ZNF682: variants seen among roughly 807,000 people sequenced by gnomAD.
ZNF682 encodes zinc finger protein 682.
Under a neutral mutation model 36.5 loss-of-function variants are expected in ZNF682, and 29 were observed. The observed-to-expected ratio is 0.80, with a 90% CI of 0.59 to 1.08. The LOEUF is 1.08. Ranked by LOEUF, ZNF682 falls within the 50% of genes least tolerant of loss-of-function variation. The pLI, the probability that ZNF682 is intolerant of heterozygous loss-of-function variation, is 0.00. For synonymous variants in ZNF682, 180 were observed against 197.0 expected (o/e 0.91, Z 0.72); for missense variants, 561 against 579.7 (o/e 0.97, Z 0.33).
At position 20,007,015 on chromosome 19, in the gene ZNF682, C is replaced by T; in HGVS notation, c.487G>A (p.Glu163Lys). The T allele has an allele frequency of 6.2e-7, 1 of 1,613,142 alleles. No homozygotes were observed. The highest frequency in any genetic ancestry group is 8.5e-7 in the Non-Finnish European group (1 of 1,179,478). The change falls in exon 4 of 4, where the codon GAA becomes AAA. Residue 163 changes from glutamate (E) to lysine (K), a missense_variant. Physicochemically the swap from Glu to Lys is moderately conservative, Grantham distance 56. Transcript: ENST00000397165. ...TTCTCTGTAGTATGTCTTATGTTTT[C>T]TCTATTTAGATTTGATGATTTACTA... ...VFSKSSNLNRENIRHTTEKLF... is the reference protein window; with the variant it reads ...VFSKSSNLNRKNIRHTTEKLF...
At chr19:20,001,970 G>C (rs569940874), downstream of ZNF682, among the ~76,000 whole-genome samples, 13 of 152,266 alleles carry the variant, frequency 8.5e-5, no homozygotes, top group African/African-American at 3.1e-4. Context: ...TTTACATCAT[G>C]GGGTCAGTAC....
rs560099633 is a variant in ZNF682 at position 20,018,700 on chromosome 19, G to A, written c.226+4304C>T. Among the ~76,000 whole-genome samples the A allele has an allele frequency of 4.6e-5, 7 of 152,136 alleles. No individual in the cohort carries two copies. The South Asian group carries it at 6.2e-4, about 14-fold the overall frequency. On this transcript the variant is annotated intron_variant, in intron 3 of 3. Coordinates refer to ENST00000397165, the MANE Select transcript of ZNF682 (RefSeq NM_033196.3). ...GAAAAAAATAAAGTTGAGCCCTTCCGTTACATGCACCATATAAAAACAGTA... is the reference window on the plus strand; with the variant it reads ...GAAAAAAATAAAGTTGAGCCCTTCCATTACATGCACCATATAAAAACAGTA...
In ZNF682 at chr19:20,005,745, C is replaced by G. The variant is rs1319962006; in HGVS notation, c.*260G>C. On this transcript the variant is annotated 3_prime_UTR_variant, in exon 4 of 4. Transcript: ENST00000397165. ...ATCATTACACTTACATTGCTTTTAT[C>G]TAGCACAAAACCTCTGATGAGTAAG... 6.6e-6 allele frequency: 3 copies of G among 453,344 alleles called. No homozygotes were observed. Among genetic ancestry groups the G allele is most frequent in the Non-Finnish European group, 1.2e-5 (3 of 256,442 alleles). 28.1% of individuals were successfully genotyped at this position (453,344 alleles called of 1,614,324 possible).
intron 3 of ZNF682, chr19:20,007,482 G>A: frequency 2.0e-6 from 1 of 500,394 alleles, no homozygotes; most frequent in Non-Finnish European, 3.4e-6. Context: ...TTAATTCAGA[G>A]GTAATGCAGA....
intron 3 of ZNF682, among the ~76,000 whole-genome samples, chr19:20,012,048 AAAAC>A (rs1264923429): frequency 6.6e-6 from 1 of 152,136 alleles, no homozygotes; most frequent in African/African-American, 2.4e-5. Flanking sequence ...AAATAAAAAA[AAAAC>A]AGTGACAAAA....
chr19:20,021,762 C>T lies in ZNF682; in HGVS notation c.226+1242G>A, dbSNP rs191256881. Among the ~76,000 whole-genome samples the T allele has an allele frequency of 1.5e-3, 224 of 152,184 alleles. 1 individual carries two copies. The highest frequency in any genetic ancestry group is 5.2e-3 in the African/African-American group (217 of 41,508). On this transcript the variant is annotated intron_variant, in intron 3 of 3. Coordinates refer to ENST00000397165, the MANE Select transcript of ZNF682 (RefSeq NM_033196.3). Reference sequence around the variant, plus strand: ...AGTTTAAATTACCAATTTTAGTTCACACTAAAAATATAAAATGTAGAAATA... The same window carrying T: ...AGTTTAAATTACCAATTTTAGTTCATACTAAAAATATAAAATGTAGAAATA...
chr19:20,000,526 A>T (rs1476295717), downstream of ZNF682, among the ~76,000 whole-genome samples: 1 of 152,212 alleles, frequency 6.6e-6, no homozygotes, highest in East Asian at 1.9e-4. Flanking sequence ...TTGCAGGGGC[A>T]TCAAGAGGTG....
At position 20,006,676 on chromosome 19, in the gene ZNF682, T is replaced by C. The variant is rs2088225034; in HGVS notation, c.826A>G (p.Lys276Glu). 6.2e-7 allele frequency: 1 copy of C among 1,613,910 alleles called. No homozygotes were observed. The highest frequency in any genetic ancestry group is 8.5e-7 in the Non-Finnish European group (1 of 1,180,010). Residue 276 changes from lysine (K) to glutamate (E), a missense_variant, in exon 4 of 4, where the codon AAG (lysine) becomes GAG (glutamate). By Grantham distance (56) the Lys-to-Glu change is moderately conservative. Transcript: ENST00000397165. ...GGTTTTTCTCCTGTATGAATTTTCT[T>C]ATGTCTAACAAAGGGTGAACACCAG... ...FHWCSPFVRH[K>E]KIHTGEKPYT...
downstream of ZNF682, among the ~76,000 whole-genome samples, chr19:20,002,970 C>A (rs1381565697): frequency 6.6e-6 from 1 of 151,680 alleles, no homozygotes; most frequent in Non-Finnish European, 1.5e-5. Flanking sequence ...GCGGGCGGAT[C>A]ACGAGGTCAG....
At chr19:20,022,436 G>T (rs1441320388) in intron 3 of ZNF682, among the ~76,000 whole-genome samples, 1 of 152,094 alleles carries the variant, frequency 6.6e-6, no homozygotes, top group Non-Finnish European at 1.5e-5. Context: ...GGGAGGCTGA[G>T]GTGGGTGGAT....
intron 1 of ZNF682, among the ~76,000 whole-genome samples, chr19:20,037,316 C>G (rs565316963): frequency 3.7e-4 from 56 of 152,150 alleles, no homozygotes; most frequent in African/African-American, 1.3e-3. Flanking sequence ...AGATTGTGTC[C>G]CAGGAGAGGC....
At chr19:20,024,459 C>T in intron 1 of ZNF682, 83 bp from the exon 2 acceptor site, 1 of 1,448,116 alleles carries the variant, frequency 6.9e-7, no homozygotes, top group South Asian at 1.4e-5. Context: ...ATTGCTGTGA[C>T]TTATGAGAGT....
At chr19:20,012,256 T>C (rs1466771834) in intron 3 of ZNF682, among the ~76,000 whole-genome samples, 1 of 151,836 alleles carries the variant, frequency 6.6e-6, no homozygotes, top group East Asian at 1.9e-4. Context: ...CAAAATAATA[T>C]TGAAACCAAG....
Position 20,005,774 on chromosome 19 carries a change from ATAG to A in ZNF682, c.*228_*230del. On this transcript the variant is annotated 3_prime_UTR_variant, in exon 4 of 4. Coordinates refer to ENST00000397165, the MANE Select transcript of ZNF682 (RefSeq NM_033196.3). ...CACAAAACCTCTGATGAGTAAGTTC[ATAG>A]TAGTTATTAAATGCTTTGCCACATT... The A allele has an allele frequency of 1.9e-6, 1 of 534,880 alleles. No individual in the cohort carries two copies. Among genetic ancestry groups the A allele is most frequent in the South Asian group, 2.7e-5 (1 of 37,006 alleles). 33.1% of individuals were successfully genotyped at this position (534,880 alleles called of 1,614,324 possible).
At chr19:20,018,128 C>G (rs2088352774) in intron 3 of ZNF682, among the ~76,000 whole-genome samples, 2 of 108,600 alleles carry the variant, frequency 1.8e-5, no homozygotes, top group South Asian at 6.6e-4. Context: ...GAGTCTCGCT[C>G]TGTCGCCCAG....
At chr19:20,001,657 T>C (rs2088169155), downstream of ZNF682, among the ~76,000 whole-genome samples, 1 of 152,240 alleles carries the variant, frequency 6.6e-6, no homozygotes, top group Non-Finnish European at 1.5e-5. Flanking sequence ...ATTTAGTTTC[T>C]TACAGTTCTG....
At chr19:20,009,492 A>G (rs2122313383) in intron 3 of ZNF682, among the ~76,000 whole-genome samples, 1 of 152,334 alleles carries the variant, frequency 6.6e-6, no homozygotes, top group South Asian at 2.1e-4. Context: ...CCATCTTGCT[A>G]GAGAGGTTGA....
chr19:20,016,141 T>C (rs1307472349), intron 3 of ZNF682, among the ~76,000 whole-genome samples: 1 of 152,162 alleles, frequency 6.6e-6, no homozygotes, highest in Non-Finnish European at 1.5e-5. Context: ...TGAAACTCCA[T>C]CTTTAGAAAG....
chr19:20,021,068 T>C (rs1020671537), intron 3 of ZNF682, among the ~76,000 whole-genome samples: 2 of 127,068 alleles, frequency 1.6e-5, no homozygotes, highest in African/African-American at 6.0e-5. Context: ...AGTGGAAGAA[T>C]TGTCTTGGGC....
Sources: allele counts gnomAD v4.1 joint callset (sites outside exome capture counted in the v4.1 genomes callset), GRCh38; gene constraint gnomAD v4.1.1; transcripts MANE v1.5; gene names NCBI Gene and HGNC (gene_info 2026-07-23, HGNC 2026-07-21).